Variants in MON1B observed in about 807,000 individuals in gnomAD.
MON1B encodes the protein vacuolar fusion protein MON1 homolog B.
MON1B carries 26 observed loss-of-function variants against 45.1 expected under a neutral mutation model. The observed-to-expected ratio is 0.58, with a 90% CI of 0.42 to 0.80. The LOEUF (loss-of-function observed/expected upper bound fraction) is 0.80. MON1B is among the 30% of genes least tolerant of loss of function. MON1B has a pLI of 0.00. For synonymous variants in MON1B, 395 were observed against 320.2 expected, an observed-to-expected ratio of 1.23 and a Z score of -2.49; for missense variants, 737 against 754.5, an observed-to-expected ratio of 0.98 and a Z score of 0.27.
chr16:77,200,746 CAAAAAAAAAAAAA>C lies in MON1B; in HGVS notation c.*2445_*2457del, dbSNP rs11344903. On this transcript the variant is annotated 3_prime_UTR_variant, in exon 6 of 6. Transcript: ENST00000248248. ...ACTCCAGCGCGGAAGACAGAGTGAG[CAAAAAAAAAAAAA>C]AAAAAAGAAAAAACAAAAAGAAAAA... 2.4e-5 allele frequency: 2 copies of C among 84,838 alleles called. No individual in the cohort carries two copies. Among genetic ancestry groups the C allele is most frequent in the Non-Finnish European group, 4.7e-5 (2 of 42,852 alleles). 5.3% of individuals were successfully genotyped at this position (84,838 alleles called of 1,614,324 possible). A position where few individuals can be genotyped will look rare whatever the true frequency, so the allele number is the denominator to read the frequency against.
At chr16:77,195,908 C>G (rs966389964) in intron 5 of MON1B, among the ~76,000 whole-genome samples, 6 of 152,214 alleles carry the variant, frequency 3.9e-5, no homozygotes, top group African/African-American at 1.4e-4. Context: ...CTGTGTGCTT[C>G]TCCCAGATTA....
chr16:77,194,022 G>C lies in MON1B; in HGVS notation c.475+245G>C. The C allele has an allele frequency of 1.7e-6, 1 of 601,192 alleles. No homozygotes were observed. Among genetic ancestry groups the C allele is most frequent in the Non-Finnish European group, 2.9e-6 (1 of 339,114 alleles). 37.2% of individuals were successfully genotyped at this position (601,192 alleles called of 1,614,324 possible). ...CTGGATACTTCTGTGTCACCTGAGA[G>C]GATAACTGTGGGGGCTGTGTGGTTG... On this transcript the variant is annotated intron_variant, in intron 3 of 5. Coordinates refer to ENST00000248248, the MANE Select transcript of MON1B (RefSeq NM_014940.4). The surrounding 1 kb of genome is among the most constrained non-coding windows in gnomAD (Gnocchi z 8.1).
chr16:77,198,315 G>C lies in MON1B; in HGVS notation c.*7G>C, dbSNP rs778358662. ...CTTGTTCACTGGACTCTGATAGTTG[G>C]AGCTCCCAGACCAGGCAGTGCTGGG... is the stretch of plus-strand genomic sequence containing the variant. On this transcript the variant is annotated 3_prime_UTR_variant, in exon 6 of 6. Transcript: ENST00000248248. 6 of 1,613,204 alleles carry C rather than the reference G, an allele frequency of 3.7e-6. No homozygotes were observed. Among genetic ancestry groups the C allele is most frequent in the Non-Finnish European group, 5.1e-6 (6 of 1,179,184 alleles).
At position 77,201,267 on chromosome 16, in the gene MON1B, A is replaced by G. The variant is rs546571690; in HGVS notation, c.*2959A>G. ...CAAAAGACAGACGGAAATAAGACAG[A>G]TGCAAATAGATCTCATTTATTAACT... is the stretch of plus-strand genomic sequence containing the variant. On this transcript the variant is annotated 3_prime_UTR_variant, in exon 6 of 6. Coordinates refer to ENST00000248248, the MANE Select transcript of MON1B (RefSeq NM_014940.4). 1.6e-4 allele frequency: 24 copies of G among 152,346 alleles called. No individual in the cohort carries two copies. The highest frequency in any genetic ancestry group is 5.1e-4 in the African/African-American group (21 of 41,582). The allele number at this position is 152,346 out of a possible 1,614,324, so 9.4% of individuals were successfully genotyped here.
chr16:77,191,465 C>G lies in MON1B; in HGVS notation c.-10-11C>G. The G allele has an allele frequency of 6.3e-7, 1 of 1,587,748 alleles. No individual in the cohort carries two copies. Among genetic ancestry groups the G allele is most frequent in the Middle Eastern group, 2.0e-4 (1 of 4,968 alleles). On this transcript the variant is annotated splice_polypyrimidine_tract_variant and intron_variant, in intron 1 of 5. Coordinates refer to ENST00000248248, the MANE Select transcript of MON1B (RefSeq NM_014940.4). ...TCACCGCCCGTCACCCTCGATTCCC[C>G]TCCCACTCAGGGATGTGCAGATGGA...
intron 5 of MON1B, among the ~76,000 whole-genome samples, chr16:77,197,902 A>G (rs934580537): frequency 6.6e-6 from 1 of 152,154 alleles, no homozygotes; most frequent in Non-Finnish European, 1.5e-5. Context: ...AACCAGCATC[A>G]TCCAGTTGAA....
In MON1B at chr16:77,200,291, T is replaced by TATATATATATATGTCTATATATATAC; in HGVS notation, c.*1984_*1985insTATATATATATGTCTATATATATACA. On this transcript the variant is annotated 3_prime_UTR_variant, in exon 6 of 6. Coordinates refer to ENST00000248248, the MANE Select transcript of MON1B (RefSeq NM_014940.4). Reference sequence around the variant, plus strand: ...ATATATGTGTATATATATATATATATACACACACTAATCAGCCGGGCGCGG... The same window carrying TATATATATATATGTCTATATATATAC: ...ATATATGTGTATATATATATATATATATATATATATATGTCTATATATATACACACACACTAATCAGCCGGGCGCGG... 9.0e-6 allele frequency: 1 copy of TATATATATATATGTCTATATATATAC among 111,430 alleles called. No individual in the cohort carries two copies. Among genetic ancestry groups the TATATATATATATGTCTATATATATAC allele is most frequent in the Non-Finnish European group, 1.9e-5 (1 of 52,240 alleles). 6.9% of individuals were successfully genotyped at this position (111,430 alleles called of 1,614,324 possible).
Position 77,199,557 on chromosome 16 carries a change from C to T in MON1B, c.*1249C>T. ...TGCACTCCTTTCTCTCCAACCAGGG[C>T]AGAAAGGAGGGAGGATTCGTCCCAT... On this transcript the variant is annotated 3_prime_UTR_variant, in exon 6 of 6. Coordinates refer to ENST00000248248, the MANE Select transcript of MON1B (RefSeq NM_014940.4). The T allele has an allele frequency of 2.9e-6, 4 of 1,401,514 alleles. No homozygotes were observed. The highest frequency in any genetic ancestry group is 3.9e-6 in the Non-Finnish European group (4 of 1,014,672). The allele number at this position is 1,401,514 out of a possible 1,614,324, so 86.8% of individuals were successfully genotyped here.
chr16:77,192,970 C>G (rs770558803), intron 2 of MON1B, among the ~76,000 whole-genome samples: 1 of 151,924 alleles, frequency 6.6e-6, no homozygotes, highest in Non-Finnish European at 1.5e-5. Context: ...GTGGGCATCA[C>G]TGATAGGGTA....
chr16:77,198,283 A>G lies in MON1B; in HGVS notation c.1619A>G (p.His540Arg), dbSNP rs559821984. Residue 540 changes from histidine to arginine, a missense_variant, in exon 6 of 6, where the codon CAT (histidine) becomes CGT (arginine). Physicochemically the swap from His to Arg is conservative, Grantham distance 29 (BLOSUM62 0). Transcript: ENST00000248248. ...PPATSTDQAA[H>R]NGLFTGL is the part of the protein sequence containing the mutation. ...GCCACCTCTACGGACCAAGCTGCCC[A>G]TAATGGCTTGTTCACTGGACTCTGA... The G allele has an allele frequency of 2.5e-6, 4 of 1,614,206 alleles. No homozygotes were observed. In the South Asian group the frequency reaches 4.4e-5, roughly 18 times the overall value.
intron 5 of MON1B, 115 bp downstream of exon 5, chr16:77,195,797 C>G: frequency 7.6e-7 from 1 of 1,311,604 alleles, no homozygotes; most frequent in South Asian, 1.4e-5. Context: ...TCTGGCTGGG[C>G]TGTGCCTTGC....
At position 77,191,337 on chromosome 16, in the gene MON1B, G is replaced by A. The variant is rs190582698; in HGVS notation, c.-11+79G>A. ...AGTGTTGGAGGGGGGACGTATTTGG[G>A]CATGATTTTGGATGTCTCGTCCTAT... On this transcript the variant is annotated intron_variant, in intron 1 of 5. Transcript: ENST00000248248. 159 of 1,553,538 alleles carry A rather than the reference G, an allele frequency of 1.0e-4. 2 individuals carry two copies. In the Middle Eastern group the frequency reaches 7.9e-3, roughly 77 times the overall value.
chr16:77,196,965 G>C (rs1237496837), intron 5 of MON1B, among the ~76,000 whole-genome samples: 1 of 152,126 alleles, frequency 6.6e-6, no homozygotes, highest in South Asian at 2.1e-4. Flanking sequence ...CTGTGTCTCT[G>C]ACACGTCCCC....
At chr16:77,191,655 T>TC in intron 2 of MON1B, 22 bp downstream of exon 2, 1 of 1,602,372 alleles carries the variant, frequency 6.2e-7, no homozygotes, top group Non-Finnish European at 8.5e-7. Context: ...CTTAGTGGGG[T>TC]CTTAAAAGGA....
Position 77,196,078 on chromosome 16 carries a change from G to A in MON1B, c.1443+396G>A, listed in dbSNP as rs573598387. Among the ~76,000 whole-genome samples, 8 of 152,230 alleles carry A rather than the reference G, an allele frequency of 5.3e-5. 1 individual carries two copies. The highest frequency in any genetic ancestry group is 1.4e-4 in the African/African-American group (6 of 41,540). On this transcript the variant is annotated intron_variant, in intron 5 of 5. Transcript: ENST00000248248. ...CCCCAGCACTCCTCAGACTACAGGC[G>A]TGGTCCCTTGCTGTGCCCTCCACCT...
In MON1B at chr16:77,194,809, C is replaced by T. The variant is rs758661364; in HGVS notation, c.950C>T (p.Ala317Val). Residue 317 changes from alanine (A) to valine (V), a missense_variant, in exon 4 of 6, where the codon GCG becomes GTG. Coordinates refer to ENST00000248248, the MANE Select transcript of MON1B (RefSeq NM_014940.4). The surrounding 1 kb of genome is among the most constrained non-coding windows in gnomAD (Gnocchi z 8.1). ...GACTGGGTGGGTGCACCAGCCTTTG[C>T]GGCGGGTGAGGCTTGGGCACCTGTG... is the stretch of plus-strand genomic sequence containing the variant. ...LLDWVGAPAF[A>V]AGEAWAPVCL... 1.6e-5 allele frequency: 26 copies of T among 1,611,882 alleles called. No homozygotes were observed. Among genetic ancestry groups the T allele is most frequent in the Non-Finnish European group, 1.9e-5 (23 of 1,179,984 alleles).
In MON1B at chr16:77,199,454, G is replaced by A. The variant is rs570203837; in HGVS notation, c.*1146G>A. The A allele has an allele frequency of 1.3e-6, 2 of 1,551,540 alleles. No homozygotes were observed. The highest frequency in any genetic ancestry group is 1.7e-6 in the Non-Finnish European group (2 of 1,146,978). On this transcript the variant is annotated 3_prime_UTR_variant, in exon 6 of 6. Transcript: ENST00000248248. ...GCGCGCAGGCCCCGCGTTGGAAAAT[G>A]GCGGGGAAGCTGAAACCTCTGAATG... is the stretch of plus-strand genomic sequence containing the variant.
Position 77,191,516 on chromosome 16 carries a change from GC to G in MON1B, c.36del (p.Gly14AlafsTer102). 2.5e-6 allele frequency: 4 copies of G among 1,607,510 alleles called. No individual in the cohort carries two copies. In the Admixed American group the frequency reaches 6.9e-5, roughly 28 times the overall value. MEVGGDTAAP[A>X]PGGAEDLEDT... ...GGTCGGAGGAGACACTGCTGCCCCGGCCCCCGGGGGCGCGGAGGACTTGGAG... is the reference window on the plus strand; with the variant it reads ...GGTCGGAGGAGACACTGCTGCCCCGGCCCCGGGGGCGCGGAGGACTTGGAG... On this transcript the variant is annotated frameshift_variant, in exon 2 of 6. Transcript: ENST00000248248. LOFTEE classifies it high-confidence loss of function.
rs926843015 is a variant in MON1B, at chr16:77,202,241, A to G, written c.*3933A>G. 6 of 152,222 alleles carry G rather than the reference A, an allele frequency of 3.9e-5. No individual in the cohort carries two copies. Among genetic ancestry groups the G allele is most frequent in the African/African-American group, 1.4e-4 (6 of 41,464 alleles). The allele number at this position is 152,222 out of a possible 1,614,324, so 9.4% of individuals were successfully genotyped here. ...TTGTATATAGGAAATAGACACTGGAATAGTAAGGAGTAGTGGGTCAAGATG... is the reference window on the plus strand; with the variant it reads ...TTGTATATAGGAAATAGACACTGGAGTAGTAAGGAGTAGTGGGTCAAGATG... On this transcript the variant is annotated 3_prime_UTR_variant, in exon 6 of 6. Transcript: ENST00000248248.
Sources: gnomAD v4.1 joint callset for allele counts (sites outside exome capture counted in the v4.1 genomes callset) on GRCh38, gnomAD v4.1.1 for gene constraint, Gnocchi (gnomAD v3.1) non-coding constraint, MANE v1.5 for transcripts, NCBI Gene and HGNC (gene_info 2026-07-23, HGNC 2026-07-21) for gene names.